PTPRC: variants seen among roughly 807,000 people sequenced by gnomAD.
The protein encoded by PTPRC is receptor-type tyrosine-protein phosphatase C.
Under a neutral mutation model 155.9 loss-of-function variants are expected in PTPRC, and 44 were observed. The ratio of observed to expected loss-of-function variants is 0.28; its 90% CI spans 0.22 to 0.36. The LOEUF is 0.36. Among genes scored for constraint, PTPRC ranks in the 10% least tolerant of loss-of-function variants. PTPRC has a pLI of 1.00. For missense variants in PTPRC, 1,401 were observed against 1,564.6 expected, an observed-to-expected ratio of 0.90 and a Z score of 1.76; for synonymous variants, 525 against 533.1, an observed-to-expected ratio of 0.98 and a Z score of 0.21.
chr1:198,696,002 G>A (rs138775696), intron 3 of PTPRC, among the ~76,000 whole-genome samples: 4,524 of 151,768 alleles, frequency 0.03, 201 homozygotes, highest in East Asian at 0.19. Context: ...TCTACTAAAA[G>A]TACAAAAATT....
Position 198,696,765 on chromosome 1 carries a change from A to G in PTPRC, c.154A>G (p.Thr52Ala), listed in dbSNP as rs114764326. ...SVPLSSDPLPTHTTAFSPAST... is the reference protein window; with the variant it reads ...SVPLSSDPLPAHTTAFSPAST... The stretch of plus-strand genomic sequence containing the variant: ...TCCACTTTCAAGTGACCCCTTACCT[A>G]CTCACACCACTGCATTCTCACCCGC... Residue 52 changes from threonine (T) to alanine (A), a missense_variant, in exon 4 of 33, where the codon ACT (threonine) becomes GCT (alanine). By Grantham distance (58) the Thr-to-Ala change is moderately conservative (BLOSUM62 0). Coordinates refer to ENST00000442510, the MANE Select transcript of PTPRC (RefSeq NM_002838.5). 495 of 1,613,972 alleles carry G rather than the reference A, an allele frequency of 3.1e-4. 2 individuals carry two copies. The African/African-American group carries it at 5.8e-3, about 19-fold the overall frequency.
At chr1:198,684,118 C>T (rs1370407424) in intron 2 of PTPRC, among the ~76,000 whole-genome samples, 1 of 151,252 alleles carries the variant, frequency 6.6e-6, no homozygotes, top group Non-Finnish European at 1.5e-5. Context: ...ATAAAATTTT[C>T]CCCCTGACTT....
chr1:198,684,664 T>C (rs1665519289), intron 2 of PTPRC, among the ~76,000 whole-genome samples: 2 of 151,864 alleles, frequency 1.3e-5, no homozygotes, highest in Non-Finnish European at 2.9e-5. Flanking sequence ...TAGTGCTGTT[T>C]CTTTAAAACA....
intron 2 of PTPRC, among the ~76,000 whole-genome samples, chr1:198,658,140 T>C (rs1044155588): frequency 2.0e-5 from 3 of 152,202 alleles, no homozygotes; most frequent in Non-Finnish European, 4.4e-5. Context: ...TTTAAGCACC[T>C]TTCAGAGAGA....
chr1:198,647,310 C>T (rs1662995361), intron 2 of PTPRC, among the ~76,000 whole-genome samples: 1 of 151,854 alleles, frequency 6.6e-6, no homozygotes, highest in South Asian at 2.1e-4. Context: ...TGTAGGCTAT[C>T]ACTGGGTCTC....
chr1:198,754,752 C>CAAAT (rs1322065186), intron 32 of PTPRC, among the ~76,000 whole-genome samples: 1 of 152,042 alleles, frequency 6.6e-6, no homozygotes, highest in Non-Finnish European at 1.5e-5. Context: ...GGAGCCTAAA[C>CAAAT]AAATAACATT....
At chr1:198,651,314 G>GTGTGTA (rs1663236294) in intron 2 of PTPRC, among the ~76,000 whole-genome samples, 1 of 151,436 alleles carries the variant, frequency 6.6e-6, no homozygotes, top group Non-Finnish European at 1.5e-5. Context: ...GTGTGTGTGT[G>GTGTGTA]TGTGTGTGTA....
At chr1:198,752,488 T>G in intron 30 of PTPRC, 106 bp from the exon 31 acceptor site, 1 of 1,512,690 alleles carries the variant, frequency 6.6e-7, no homozygotes, top group South Asian at 1.2e-5. Context: ...AGAATAACAT[T>G]TTAAAATTAT....
intron 3 of PTPRC, among the ~76,000 whole-genome samples, chr1:198,693,660 C>G (rs1452022106): frequency 6.6e-6 from 1 of 152,148 alleles, no homozygotes; most frequent in Non-Finnish European, 1.5e-5. Context: ...TTGGCCACAA[C>G]AATGTCATCA....
intron 26 of PTPRC, among the ~76,000 whole-genome samples, chr1:198,744,838 CAG>C (rs1558036233): frequency 2.0e-5 from 3 of 151,694 alleles, no homozygotes; most frequent in East Asian, 1.9e-4. Flanking sequence ...CTGGTAAATT[CAG>C]AGTTTCTAAA....
chr1:198,745,783 C>T (rs562480365), intron 26 of PTPRC, among the ~76,000 whole-genome samples: 1 of 151,554 alleles, frequency 6.6e-6, no homozygotes, highest in African/African-American at 2.4e-5. Context: ...AGGGTGTTTA[C>T]AAATGAATGA....
intron 2 of PTPRC, among the ~76,000 whole-genome samples, chr1:198,654,215 G>A (rs762711593): frequency 5.3e-5 from 8 of 151,800 alleles, no homozygotes; most frequent in Non-Finnish European, 8.8e-5. Flanking sequence ...CCTTTATAGT[G>A]TTAATTGATT....
chr1:198,692,538 C>T (rs564406511), intron 3 of PTPRC, 165 bp downstream of exon 3: 39 of 1,082,766 alleles, frequency 3.6e-5, no homozygotes, highest in African/African-American at 1.8e-4. Flanking sequence ...TCTGCTTATA[C>T]GTTATAGAGT....
At chr1:198,698,448 T>C (rs918120462) in intron 4 of PTPRC, among the ~76,000 whole-genome samples, 8 of 152,308 alleles carry the variant, frequency 5.3e-5, no homozygotes, top group Admixed American at 2.0e-4. Context: ...ATTTAATTTA[T>C]GATTATGATT....
chr1:198,647,293 G>T (rs951901470), intron 2 of PTPRC, among the ~76,000 whole-genome samples: 1 of 151,786 alleles, frequency 6.6e-6, no homozygotes, highest in Non-Finnish European at 1.5e-5. Flanking sequence ...AGCAACTGGT[G>T]AGCTCATGTA....
At chr1:198,737,233 GC>G (rs1654687388) in intron 23 of PTPRC, among the ~76,000 whole-genome samples, 1 of 151,632 alleles carries the variant, frequency 6.6e-6, no homozygotes, top group South Asian at 2.1e-4. Flanking sequence ...GGTTGCCTGT[GC>G]TTGTGGGGTA....
rs191474870 is a variant in PTPRC, at chr1:198,683,820, C to T, written c.74-8527C>T. 2.6e-4 allele frequency among the ~76,000 whole-genome samples: 39 copies of T among 152,058 alleles called. 1 individual carries two copies. The East Asian group carries it at 7.5e-3, about 29-fold the overall frequency. On this transcript the variant is annotated intron_variant, in intron 2 of 32. Transcript: ENST00000442510. ...ATAAATATACATAACTGATAACAAG[C>T]CAGAATTTTGTAAACTATGTTCTCA... is the stretch of plus-strand genomic sequence containing the variant.
chr1:198,648,846 T>G (rs1309192031), intron 2 of PTPRC, among the ~76,000 whole-genome samples: 2 of 151,824 alleles, frequency 1.3e-5, no homozygotes, highest in Non-Finnish European at 2.9e-5. Flanking sequence ...AGAATGGATT[T>G]TCCCCCACCC....
At chr1:198,641,140 T>C (rs1282015673) in intron 2 of PTPRC, among the ~76,000 whole-genome samples, 1 of 152,046 alleles carries the variant, frequency 6.6e-6, no homozygotes, top group Admixed American at 6.6e-5. Flanking sequence ...AACATTTTTC[T>C]AAAAGACATT....
Sources: gnomAD v4.1 joint callset for allele counts (sites outside exome capture counted in the v4.1 genomes callset) on GRCh38, gnomAD v4.1.1 for gene constraint, MANE v1.5 for transcripts, NCBI Gene and HGNC (gene_info 2026-07-23, HGNC 2026-07-21) for gene names.